SGCZ: variants seen among roughly 807,000 people sequenced by gnomAD.
SGCZ encodes sarcoglycan zeta.
In SGCZ, 40 loss-of-function variants were observed where a neutral mutation model predicts 41.3. That is an observed-to-expected ratio of 0.97 (90% CI 0.75 to 1.26). SGCZ has a LOEUF of 1.26. SGCZ is among the 50% of genes most tolerant of loss of function. SGCZ has a pLI of 0.00. For missense variants in SGCZ, 552 were observed against 369.8 expected (o/e 1.49, Z -4.04); for synonymous variants, 206 against 137.5 (o/e 1.50, Z -3.49).
chr8:14,330,011 T>A (rs1048467294), intron 2 of SGCZ, among the ~76,000 whole-genome samples: 1 of 152,174 alleles, frequency 6.6e-6, no homozygotes, highest in East Asian at 1.9e-4. Flanking sequence ...GCCATTTCCT[T>A]TTAATGCTCT....
intron 1 of SGCZ, among the ~76,000 whole-genome samples, chr8:14,783,900 G>C (rs1183631555): frequency 6.6e-6 from 1 of 152,090 alleles, no homozygotes. Context: ...CACAAGTTTA[G>C]TTTTAAATTT....
intron 3 of SGCZ, among the ~76,000 whole-genome samples, chr8:14,290,274 C>G (rs1024260040): frequency 2.0e-5 from 3 of 151,936 alleles, no homozygotes; most frequent in Non-Finnish European, 4.4e-5. Flanking sequence ...TAACATTGGT[C>G]TAGGCAAGGA....
intron 1 of SGCZ, among the ~76,000 whole-genome samples, chr8:14,733,523 A>G (rs898186472): frequency 6.6e-6 from 1 of 152,204 alleles, no homozygotes; most frequent in Non-Finnish European, 1.5e-5. Flanking sequence ...CCTTTAAATG[A>G]AAGAAGAAAA....
At chr8:14,833,391 G>T (rs75240570) in intron 1 of SGCZ, among the ~76,000 whole-genome samples, 5,974 of 152,212 alleles carry the variant, frequency 0.039, 165 homozygotes, top group South Asian at 0.076. Context: ...CAAACATACA[G>T]ATCTGTGAGT....
At chr8:14,299,768 A>G (rs12678379) in intron 3 of SGCZ, among the ~76,000 whole-genome samples, 73,883 of 151,752 alleles carry the variant, frequency 0.49, 19,120 homozygotes, top group Non-Finnish European at 0.58. Flanking sequence ...AGTTAAAACT[A>G]TGCCTACTCT....
chr8:14,549,909 G>C (rs1803747833), intron 2 of SGCZ, among the ~76,000 whole-genome samples: 1 of 151,976 alleles, frequency 6.6e-6, no homozygotes, highest in Admixed American at 6.6e-5. Flanking sequence ...TAATTGTTAA[G>C]AGTTAAGTTG....
chr8:14,443,292 C>T (rs572634509), intron 2 of SGCZ, among the ~76,000 whole-genome samples: 86 of 151,994 alleles, frequency 5.7e-4, no homozygotes, highest in Non-Finnish European at 1.0e-3. Flanking sequence ...ACTTTCTTCA[C>T]AGAATTGGAA....
intron 2 of SGCZ, among the ~76,000 whole-genome samples, chr8:14,470,526 T>G (rs1453164120): frequency 6.6e-6 from 1 of 152,164 alleles, no homozygotes; most frequent in African/African-American, 2.4e-5. Flanking sequence ...GTTATTTAAT[T>G]CCAGACCCAA....
intron 1 of SGCZ, among the ~76,000 whole-genome samples, chr8:14,797,520 G>C (rs1801174522): frequency 6.6e-6 from 1 of 152,198 alleles, no homozygotes; most frequent in South Asian, 2.1e-4. Flanking sequence ...GCATTCAAGA[G>C]GATGGCTAGC....
chr8:14,739,598 T>A (rs1173705998), intron 1 of SGCZ, among the ~76,000 whole-genome samples: 1 of 152,104 alleles, frequency 6.6e-6, no homozygotes, highest in Non-Finnish European at 1.5e-5. Flanking sequence ...TATTACTCAA[T>A]TTTAATGTAA....
At chr8:14,197,212 A>C (rs1223170776) in intron 4 of SGCZ, among the ~76,000 whole-genome samples, 3 of 152,156 alleles carry the variant, frequency 2.0e-5, no homozygotes, top group Non-Finnish European at 4.4e-5. Context: ...AATTCTACTA[A>C]ATATTTAAGC....
At position 15,022,704 on chromosome 8, in the gene SGCZ, G is replaced by C. The variant is rs535960766; in HGVS notation, c.39+214881C>G. Among the ~76,000 whole-genome samples, 3 of 152,222 alleles carry C rather than the reference G, an allele frequency of 2.0e-5. No individual in the cohort carries two copies. The East Asian group carries it at 5.8e-4, about 29-fold the overall frequency. On this transcript the variant is annotated intron_variant, in intron 1 of 7. Transcript: ENST00000382080. ...TTGATGATACAGGATCAGTATGCTA[G>C]CAATGCAATTCTATAGAGACAAAAC... is the stretch of plus-strand genomic sequence containing the variant.
intron 2 of SGCZ, among the ~76,000 whole-genome samples, chr8:14,491,094 A>C (rs1458751909): frequency 6.6e-6 from 1 of 151,494 alleles, no homozygotes; most frequent in African/African-American, 2.4e-5. Flanking sequence ...GCCCAGTATT[A>C]AATTTAATTG....
rs190267797 is a variant in SGCZ, at chr8:15,105,866, A to G, written c.39+131719T>C. Among the ~76,000 whole-genome samples the G allele has an allele frequency of 4.6e-5, 7 of 152,318 alleles. No individual in the cohort carries two copies. The East Asian group carries it at 1.2e-3, about 25-fold the overall frequency. Reference sequence around the variant, plus strand: ...TGAAAGCTCCAGTTTAGTTTGCAGTAGGAGACAAGCATATAGCAACAACAG... The same window carrying G: ...TGAAAGCTCCAGTTTAGTTTGCAGTGGGAGACAAGCATATAGCAACAACAG... On this transcript the variant is annotated intron_variant, in intron 1 of 7. Transcript: ENST00000382080.
chr8:14,218,847 A>T (rs1806090560), intron 4 of SGCZ, among the ~76,000 whole-genome samples: 1 of 152,200 alleles, frequency 6.6e-6, no homozygotes, highest in South Asian at 2.1e-4. Flanking sequence ...TTGCCAAAGC[A>T]ATGAGAACCT....
At chr8:14,417,067 C>G (rs565198630) in intron 2 of SGCZ, among the ~76,000 whole-genome samples, 1 of 151,690 alleles carries the variant, frequency 6.6e-6, no homozygotes, top group Non-Finnish European at 1.5e-5. Flanking sequence ...AAAATAAGGC[C>G]GGGCAAGACA....
chr8:14,815,862 G>T (rs1042583313), intron 1 of SGCZ, among the ~76,000 whole-genome samples: 5 of 152,186 alleles, frequency 3.3e-5, no homozygotes, highest in African/African-American at 1.2e-4. Flanking sequence ...TTCACTTGGA[G>T]TAACTGTATG....
chr8:14,435,549 T>C (rs1009608261), intron 2 of SGCZ, among the ~76,000 whole-genome samples: 2 of 152,194 alleles, frequency 1.3e-5, no homozygotes, highest in Non-Finnish European at 2.9e-5. Flanking sequence ...ATTTTTTCAA[T>C]AAAGCAACTT....
chr8:14,552,956 A>C (rs1803918089), intron 2 of SGCZ, among the ~76,000 whole-genome samples: 1 of 152,038 alleles, frequency 6.6e-6, no homozygotes, highest in Non-Finnish European at 1.5e-5. Flanking sequence ...TTTGATAGAG[A>C]AAATCATATT....
Sources: allele counts gnomAD v4.1 joint callset (sites outside exome capture counted in the v4.1 genomes callset), GRCh38; gene constraint gnomAD v4.1.1; transcripts MANE v1.5; gene names NCBI Gene and HGNC (gene_info 2026-07-23, HGNC 2026-07-21).